Variants in CSMD1 observed in about 807,000 individuals in gnomAD.
The protein encoded by CSMD1 is CUB and Sushi multiple domains 1, also known as CUB and sushi domain-containing protein 1.
In CSMD1, 213 loss-of-function variants were observed where a neutral mutation model predicts 417.5. The observed-to-expected ratio is 0.51, with a 90% CI of 0.46 to 0.57. The LOEUF (loss-of-function observed/expected upper bound fraction) is 0.57, where lower values mean the gene tolerates loss of function less well. CSMD1 is among the 20% of genes least tolerant of loss of function. CSMD1 has a pLI of 0.00. For synonymous variants in CSMD1, 2,862 were observed against 1,736.8 expected (o/e 1.65, Z -16.11); for missense variants, 6,923 against 4,529.7 (o/e 1.53, Z -15.17).
In CSMD1 at chr8:3,652,787, C is replaced by G. The variant is rs112662050; in HGVS notation, c.1010-35990G>C. On this transcript the variant is annotated intron_variant, in intron 7 of 69. Transcript: ENST00000635120. ...GATTTGGCTGGGAAAACAGCCCAAA[C>G]ATATACCTGGAATATAAAGTCCTGG... 3.3e-5 allele frequency among the ~76,000 whole-genome samples: 5 copies of G among 152,222 alleles called. No homozygotes were observed. The South Asian group carries it at 6.2e-4, about 19-fold the overall frequency.
At chr8:4,630,451 T>A in intron 2 of CSMD1, among the ~76,000 whole-genome samples, 1 of 150,482 alleles carries the variant, frequency 6.6e-6, no homozygotes, top group Non-Finnish European at 1.5e-5. Context: ...CTGCAAATAC[T>A]CAAAAACAAA....
At chr8:4,701,065 G>C (rs181649361) in intron 1 of CSMD1, among the ~76,000 whole-genome samples, 5 of 152,272 alleles carry the variant, frequency 3.3e-5, no homozygotes, top group Admixed American at 1.3e-4. Context: ...ACATCTGATA[G>C]ATGAGTTTTA....
At chr8:3,745,339 C>T (rs1045203168) in intron 6 of CSMD1, among the ~76,000 whole-genome samples, 1 of 152,112 alleles carries the variant, frequency 6.6e-6, no homozygotes, top group Admixed American at 6.5e-5. Flanking sequence ...ATCTCATGAG[C>T]CTTTAAAAAC....
chr8:3,851,831 C>T (rs1438918746), intron 5 of CSMD1, among the ~76,000 whole-genome samples: 4 of 152,078 alleles, frequency 2.6e-5, no homozygotes, highest in Non-Finnish European at 4.4e-5. Flanking sequence ...AGACTGAGGG[C>T]GCCAGGAGGG....
At chr8:3,663,601 C>T (rs1191043103) in intron 7 of CSMD1, among the ~76,000 whole-genome samples, 1 of 152,142 alleles carries the variant, frequency 6.6e-6, no homozygotes, top group African/African-American at 2.4e-5. Context: ...TGAGATAAAC[C>T]CATATCTGAT....
intron 5 of CSMD1, among the ~76,000 whole-genome samples, chr8:3,945,629 C>G (rs1217755178): frequency 6.6e-6 from 1 of 152,062 alleles, no homozygotes; most frequent in African/African-American, 2.4e-5. Context: ...CTGGTTAACT[C>G]ACAGTATTAA....
At chr8:4,114,916 A>T (rs537635759) in intron 3 of CSMD1, among the ~76,000 whole-genome samples, 1 of 152,346 alleles carries the variant, frequency 6.6e-6, no homozygotes, top group Non-Finnish European at 1.5e-5. Context: ...ATAGGAAAAT[A>T]GTATGCTGAG....
chr8:4,086,388 T>C (rs1392733300), intron 3 of CSMD1, among the ~76,000 whole-genome samples: 1 of 152,182 alleles, frequency 6.6e-6, no homozygotes, highest in South Asian at 2.1e-4. Context: ...CAAAATTCAG[T>C]ACAGGCAGAC....
chr8:2,945,673 G>C (rs961383531), intron 68 of CSMD1, among the ~76,000 whole-genome samples: 1 of 152,036 alleles, frequency 6.6e-6, no homozygotes, highest in African/African-American at 2.4e-5. Flanking sequence ...AGCTCTGTGC[G>C]ATCCCTCTGC....
chr8:4,717,276 C>T (rs1371473590), intron 1 of CSMD1, among the ~76,000 whole-genome samples: 1 of 147,562 alleles, frequency 6.8e-6, no homozygotes, highest in Non-Finnish European at 1.5e-5. Context: ...CTCAAAGAAG[C>T]ATCTCTGACC....
At chr8:4,960,844 TAA>T (rs1010016126) in intron 1 of CSMD1, among the ~76,000 whole-genome samples, 2 of 152,150 alleles carry the variant, frequency 1.3e-5, no homozygotes, top group Admixed American at 6.6e-5. Flanking sequence ...ATTTACATCA[TAA>T]GTTATATAAT....
intron 3 of CSMD1, among the ~76,000 whole-genome samples, chr8:4,055,762 A>G (rs924463446): frequency 6.6e-6 from 1 of 152,188 alleles, no homozygotes; most frequent in Non-Finnish European, 1.5e-5. Context: ...TTGACTAGAT[A>G]CTGTATAAAC....
chr8:3,810,834 G>C (rs1049034921), intron 5 of CSMD1, among the ~76,000 whole-genome samples: 1 of 152,154 alleles, frequency 6.6e-6, no homozygotes. Flanking sequence ...AAAATTCAAA[G>C]ATGGGGCCAT....
chr8:4,421,223 C>G (rs1159395712), intron 2 of CSMD1, among the ~76,000 whole-genome samples: 2 of 152,106 alleles, frequency 1.3e-5, no homozygotes, highest in East Asian at 1.9e-4. Context: ...GTCAGTGAAG[C>G]AAACGTTGCT....
At chr8:3,108,503 G>T (rs1816293900) in intron 44 of CSMD1, 100 bp downstream of exon 44, 2 of 1,281,526 alleles carry the variant, frequency 1.6e-6, no homozygotes, top group South Asian at 1.5e-5. Flanking sequence ...GCCCTCGGCT[G>T]AATCAAGAAA....
intron 25 of CSMD1, among the ~76,000 whole-genome samples, chr8:3,296,370 G>C (rs762531605): frequency 3.3e-5 from 5 of 152,076 alleles, no homozygotes; most frequent in Non-Finnish European, 7.3e-5. Flanking sequence ...GGGGGACTGG[G>C]AAGGAAGAGC....
At chr8:3,226,974 C>T (rs1215917732) in intron 27 of CSMD1, among the ~76,000 whole-genome samples, 1 of 151,784 alleles carries the variant, frequency 6.6e-6, no homozygotes, top group African/African-American at 2.4e-5. Flanking sequence ...ATTTAAAATG[C>T]CAATTAAAAC....
chr8:4,379,947 T>A lies in CSMD1; in HGVS notation c.415+40006A>T, dbSNP rs138721384. On this transcript the variant is annotated intron_variant, in intron 3 of 69. Transcript: ENST00000635120. The stretch of plus-strand genomic sequence containing the variant: ...GCGCGGCCAGCATACACTCTGGAGA[T>A]GGAAGAGTCGCCACTTTGTAGAAAA... Among the ~76,000 whole-genome samples, 469 of 152,314 alleles carry A rather than the reference T, an allele frequency of 3.1e-3. 7 individuals are homozygous for A. The highest frequency in any genetic ancestry group is 0.011 in the African/African-American group (438 of 41,568).
chr8:4,244,195 G>C (rs542983423), intron 3 of CSMD1, among the ~76,000 whole-genome samples: 3 of 152,290 alleles, frequency 2.0e-5, no homozygotes, highest in African/African-American at 7.2e-5. Context: ...TTTAGGCTTA[G>C]CTGAGCTAGA....
Sources: gnomAD v4.1 joint callset for allele counts (sites outside exome capture counted in the v4.1 genomes callset) on GRCh38, gnomAD v4.1.1 for gene constraint, MANE v1.5 for transcripts, NCBI Gene and HGNC (gene_info 2026-07-23, HGNC 2026-07-21) for gene names.